The following FAM186A variants were observed in gnomAD, a reference collection of about 807,000 sequenced individuals.
FAM186A encodes the protein family with sequence similarity 186 member A, also known as protein FAM186A.
Under a neutral mutation model 216.8 loss-of-function variants are expected in FAM186A, and 163 were observed. The observed-to-expected ratio is 0.75, with a 90% CI of 0.66 to 0.86. FAM186A has a LOEUF of 0.86. Ranked by LOEUF, FAM186A falls within the 40% of genes least tolerant of loss-of-function variation. The pLI, the probability that FAM186A is intolerant of heterozygous loss-of-function variation, is 0.00. For synonymous variants in FAM186A, 805 were observed against 1,025.3 expected (o/e 0.79, Z 4.10); for missense variants, 2,184 against 2,746.2 (o/e 0.80, Z 4.58).
chr12:50,341,637 C>T (rs969376736), intron 4 of FAM186A, among the ~76,000 whole-genome samples: 1 of 152,048 alleles, frequency 6.6e-6, no homozygotes, highest in Non-Finnish European at 1.5e-5. Flanking sequence ...GAGTTCGAGA[C>T]CAACCTGGCC....
At chr12:50,366,865 T>C (rs182337794) in intron 1 of FAM186A, among the ~76,000 whole-genome samples, 20 of 151,748 alleles carry the variant, frequency 1.3e-4, no homozygotes, top group Admixed American at 1.2e-3. Context: ...ATAAAAAATA[T>C]CAGCCAGGTA....
chr12:50,370,123 C>CAAAAAAAA lies in FAM186A; in HGVS notation c.193-6767_193-6760dup, dbSNP rs56403101. Among the ~76,000 whole-genome samples, 103 of 38,386 alleles carry CAAAAAAAA rather than the reference C, an allele frequency of 2.7e-3. 5 individuals are homozygous for CAAAAAAAA. The highest frequency in any genetic ancestry group is 7.4e-3 in the South Asian group (3 of 404). 25.2% of individuals were successfully genotyped at this position (38,386 alleles called of 152,430 possible). ...TGGGCGACAGAGCGAGACTCCATCT[C>CAAAAAAAA]AAAAAAAAAAAAAAAAAAAAAAAAG... is the stretch of plus-strand genomic sequence containing the variant. On this transcript the variant is annotated intron_variant, in intron 1 of 7. Coordinates refer to ENST00000327337, the MANE Select transcript of FAM186A (RefSeq NM_001145475.3).
rs1348948063 is a variant in FAM186A, at chr12:50,330,655, C to A, written c.6952G>T (p.Gly2318Cys). Residue 2318 changes from glycine (G) to cysteine (C), a missense_variant, in exon 7 of 8, where the codon GGT (glycine) becomes TGT (cysteine). Transcript: ENST00000327337. Reference protein sequence around the residue: ...TSMHSLWAQLGGYPDIPRLLQ... With the variant: ...TSMHSLWAQLCGYPDIPRLLQ... ...AGCCTGGGAATATCTGGGTACCCACCCAGCTGGGCCCAGAGTGAATGCATA... is the reference window on the plus strand; with the variant it reads ...AGCCTGGGAATATCTGGGTACCCACACAGCTGGGCCCAGAGTGAATGCATA... 1.2e-5 allele frequency: 18 copies of A among 1,550,294 alleles called. No individual in the cohort carries two copies. The East Asian group carries it at 3.7e-4, about 32-fold the overall frequency.
chr12:50,375,720 AAAAAAAAG>A (rs1469264925), intron 1 of FAM186A, among the ~76,000 whole-genome samples: 2 of 96,496 alleles, frequency 2.1e-5, no homozygotes, highest in South Asian at 8.9e-4. Context: ...CCATCTCAAA[AAAAAAAAG>A]AAAAAGAAAA....
rs1259651368 is a variant in FAM186A at position 50,355,515 on chromosome 12, T to TA, written c.1316dup (p.Ser440IlefsTer6). 6.4e-7 allele frequency: 1 copy of TA among 1,551,414 alleles called. No homozygotes were observed. Among genetic ancestry groups the TA allele is most frequent in the Non-Finnish European group, 8.7e-7 (1 of 1,146,956 alleles). On this transcript the variant is annotated frameshift_variant, in exon 4 of 8. Transcript: ENST00000327337. LOFTEE classifies it high-confidence loss of function. Reference sequence around the variant, plus strand: ...GATAGAAATCACCTTTCTTCAATGATACGTTATCTTTAGTGCTGTCTTCGG... The same window carrying TA: ...GATAGAAATCACCTTTCTTCAATGATAACGTTATCTTTAGTGCTGTCTTCGG...
At chr12:50,328,103 A>G (rs1290161389) in intron 7 of FAM186A, among the ~76,000 whole-genome samples, 1 of 152,214 alleles carries the variant, frequency 6.6e-6, no homozygotes. Flanking sequence ...GAATTTTTGT[A>G]GGAAAATAAT....
chr12:50,383,267 A>AG (rs1943270009), intron 1 of FAM186A, among the ~76,000 whole-genome samples: 1 of 88,452 alleles, frequency 1.1e-5, no homozygotes, highest in Non-Finnish European at 3.0e-5. Context: ...AAAAAAAAAA[A>AG]AAAAAAAAAA....
Position 50,355,613 on chromosome 12 carries a change from A to G in FAM186A, c.1219T>C (p.Tyr407His). The G allele has an allele frequency of 3.9e-6, 6 of 1,551,622 alleles. No homozygotes were observed. Among genetic ancestry groups the G allele is most frequent in the Middle Eastern group, 1.7e-4 (1 of 5,992 alleles). Residue 407 changes from tyrosine (Y) to histidine (H), a missense_variant, in exon 4 of 8, where the codon TAT becomes CAT. Physicochemically the swap from Tyr to His is moderately conservative, Grantham distance 83 (BLOSUM62 2). Transcript: ENST00000327337. ...SGIKWDSTIS[Y>H]TAQAERTPDL... is the part of the protein sequence containing the mutation. ...GGAGTTCTTTCAGCTTGGGCTGTATATGAAATAGTGGAGTCCCATTTTATC... is the reference window on the plus strand; with the variant it reads ...GGAGTTCTTTCAGCTTGGGCTGTATGTGAAATAGTGGAGTCCCATTTTATC...
At chr12:50,343,376 C>G (rs1942783098) in intron 4 of FAM186A, among the ~76,000 whole-genome samples, 1 of 152,148 alleles carries the variant, frequency 6.6e-6, no homozygotes. Flanking sequence ...ATAAAGTGCT[C>G]AAATCACATT....
chr12:50,377,912 A>T (rs1010485709), intron 1 of FAM186A, among the ~76,000 whole-genome samples: 2 of 151,998 alleles, frequency 1.3e-5, no homozygotes, highest in Non-Finnish European at 2.9e-5. Flanking sequence ...CTTCTGCAAT[A>T]TGAAAGATAC....
Position 50,350,890 on chromosome 12 carries a change from A to T in FAM186A, c.5942T>A (p.Val1981Asp). ...TTGGAACTTCTTAGTGGTGAAAGGA[A>T]CTTGAGCTACCTTGAAATCTGGAGC... ...PSAPDFKVAQ[V>D]PFTTKKFQMS... Residue 1981 changes from valine (V) to aspartate (D), a missense_variant, in exon 4 of 8, where the codon GTT becomes GAT. Coordinates refer to ENST00000327337, the MANE Select transcript of FAM186A (RefSeq NM_001145475.3). 1 of 1,551,682 alleles carries T rather than the reference A, an allele frequency of 6.4e-7. No individual in the cohort carries two copies. Among genetic ancestry groups the T allele is most frequent in the South Asian group, 1.2e-5 (1 of 84,062 alleles).
intron 4 of FAM186A, among the ~76,000 whole-genome samples, chr12:50,339,114 A>T (rs922497214): frequency 6.6e-6 from 1 of 151,734 alleles, no homozygotes. Context: ...TCTCAGGCTC[A>T]TGGGATCCTC....
intron 5 of FAM186A, among the ~76,000 whole-genome samples, chr12:50,333,189 G>A (rs1353137534): frequency 1.3e-5 from 2 of 152,128 alleles, no homozygotes; most frequent in African/African-American, 4.8e-5. Context: ...GGAAAGACAA[G>A]GATATACAGA....
chr12:50,362,080 C>T (rs1943041107), intron 2 of FAM186A, among the ~76,000 whole-genome samples: 1 of 152,110 alleles, frequency 6.6e-6, no homozygotes, highest in African/African-American at 2.4e-5. Context: ...TCAAACAGTA[C>T]ACCTGCCTCA....
rs71083560 is a variant in FAM186A, at chr12:50,392,929, CTT to C, written c.192+3362_192+3363del. Among the ~76,000 whole-genome samples the C allele has an allele frequency of 4.9e-3, 636 of 128,688 alleles. 5 individuals are homozygous for C. Among genetic ancestry groups the C allele is most frequent in the African/African-American group, 0.011 (387 of 34,698 alleles). 84.4% of individuals were successfully genotyped at this position (128,688 alleles called of 152,430 possible). ...CCCAGCCAGTATCAATACTTGTATA[CTT>C]TTTTTTTTTTTTTGAGGCGGAGTCT... On this transcript the variant is annotated intron_variant, in intron 1 of 7. Coordinates refer to ENST00000327337, the MANE Select transcript of FAM186A (RefSeq NM_001145475.3).
At chr12:50,333,451 G>A (rs1426887291) in intron 5 of FAM186A, among the ~76,000 whole-genome samples, 1 of 152,100 alleles carries the variant, frequency 6.6e-6, no homozygotes, top group Admixed American at 6.6e-5. Context: ...AGAATCTCTT[G>A]AATCCAGGAG....
In FAM186A at chr12:50,354,333, T is replaced by C. The variant is rs1426379799; in HGVS notation, c.2499A>G (p.Gln833=). 1.3e-6 allele frequency: 2 copies of C among 1,551,742 alleles called. No individual in the cohort carries two copies. Among genetic ancestry groups the C allele is most frequent in the East Asian group, 4.9e-5 (2 of 40,928 alleles). Residue 833 remains glutamine (Q), a synonymous_variant, in exon 4 of 8, where the codon CAA becomes CAG. Transcript: ENST00000327337. ...QEQYLQEGQE[Q]MSGMSLKQQL... is the part of the protein sequence containing the mutation. Reference sequence around the variant, plus strand: ...GCTGTTTGAGACTCATGCCAGACATTTGTTCTTGACCCTCTTGCAAATATT... The same window carrying C: ...GCTGTTTGAGACTCATGCCAGACATCTGTTCTTGACCCTCTTGCAAATATT...
At chr12:50,335,453 G>A (rs1315265444) in intron 4 of FAM186A, among the ~76,000 whole-genome samples, 1 of 152,006 alleles carries the variant, frequency 6.6e-6, no homozygotes, top group Non-Finnish European at 1.5e-5. Context: ...AGAGCAGCCT[G>A]GCCAACATGG....
At chr12:50,378,836 C>G (rs761083687) in intron 1 of FAM186A, among the ~76,000 whole-genome samples, 26 of 151,906 alleles carry the variant, frequency 1.7e-4, no homozygotes, top group Non-Finnish European at 3.4e-4. Flanking sequence ...CCCAGCAATC[C>G]CATTTCTAGG....
Sources: allele counts gnomAD v4.1 joint callset (sites outside exome capture counted in the v4.1 genomes callset), GRCh38; gene constraint gnomAD v4.1.1; transcripts MANE v1.5; gene names NCBI Gene and HGNC (gene_info 2026-07-23, HGNC 2026-07-21).